The following PRKCG variants were observed in gnomAD, a reference collection of about 807,000 sequenced individuals.
PRKCG encodes the protein protein kinase C gamma type.
A neutral mutation model predicts 82.0 loss-of-function variants in PRKCG; 28 were observed. The observed-to-expected ratio is 0.34, with a 90% CI of 0.25 to 0.47. The LOEUF is 0.47. Ranked by LOEUF, PRKCG falls within the 20% of genes least tolerant of loss-of-function variation. The probability of loss-of-function intolerance (pLI) is 1.00; values close to 1 mark genes in which losing one functional copy is unlikely to be tolerated. For synonymous variants in PRKCG, 383 were observed against 376.6 expected (o/e 1.02, Z -0.20); for missense variants, 640 against 952.7 (o/e 0.67, Z 4.32).
chr19:53,896,235 G>A (rs1286164981), intron 9 of PRKCG, among the ~76,000 whole-genome samples: 2 of 151,810 alleles, frequency 1.3e-5, no homozygotes, highest in African/African-American at 4.8e-5. Flanking sequence ...GGGAGTGTAG[G>A]GTGGTGTGTG....
chr19:53,895,508 A>G (rs1568757055), intron 9 of PRKCG, among the ~76,000 whole-genome samples: 1 of 149,424 alleles, frequency 6.7e-6, no homozygotes, highest in Non-Finnish European at 1.5e-5. Flanking sequence ...AAAAAAAAAA[A>G]GAAGACAAGA....
In PRKCG at chr19:53,882,608, C is replaced by T. The variant is rs1438894123; in HGVS notation, c.114C>T (p.Phe38=). 2 of 1,613,880 alleles carry T rather than the reference C, an allele frequency of 1.2e-6. No homozygotes were observed. Among genetic ancestry groups the T allele is most frequent in the Non-Finnish European group, 1.7e-6 (2 of 1,180,044 alleles). ...TCCACGAAGTCAAGAGCCACAAGTT[C>T]ACCGCTCGCTTCTTCAAGCAGCCCA... The part of the protein sequence containing the change: ...KVVHEVKSHK[F]TARFFKQPTF... The change falls in exon 1 of 18, where the codon TTC becomes TTT. Residue 38 remains phenylalanine (F), a synonymous_variant. Transcript: ENST00000263431. This position sits in a 1 kb window ranked among gnomAD's most constrained non-coding sequence, Gnocchi z 6.1.
intron 5 of PRKCG, 41 bp from the exon 6 acceptor site, chr19:53,891,633 G>T: frequency 6.2e-7 from 1 of 1,610,466 alleles, no homozygotes. Flanking sequence ...GCCCCTTCCT[G>T]GATCTCTAAC....
chr19:53,884,294 A>T lies in PRKCG; in HGVS notation c.285+51A>T. The T allele has an allele frequency of 6.5e-7, 1 of 1,536,112 alleles. No individual in the cohort carries two copies. The highest frequency in any genetic ancestry group is 9.0e-7 in the Non-Finnish European group (1 of 1,113,162). On this transcript the variant is annotated intron_variant, in intron 3 of 17. Transcript: ENST00000263431. The surrounding 1 kb of genome is among the most constrained non-coding windows in gnomAD (Gnocchi z 4.6). Reference sequence around the variant, plus strand: ...CTCCTCGGGCCGTGCCCCCGCCCTCACCCCCTCGGCGTCCGTCCCAATTTC... The same window carrying T: ...CTCCTCGGGCCGTGCCCCCGCCCTCTCCCCCTCGGCGTCCGTCCCAATTTC...
At position 53,886,561 on chromosome 19, in the gene PRKCG, A is replaced by G. The variant is rs181425727; in HGVS notation, c.285+2318A>G. On this transcript the variant is annotated intron_variant, in intron 3 of 17. Coordinates refer to ENST00000263431, the MANE Select transcript of PRKCG (RefSeq NM_002739.5). ...TGGGACTATAGGCACAAGCCACAAC[A>G]CCTAGCTAATTAAAAAAAAATGTTT... Among the ~76,000 whole-genome samples, 104 of 151,740 alleles carry G rather than the reference A, an allele frequency of 6.9e-4. 1 individual carries two copies. Among genetic ancestry groups the G allele is most frequent in the Non-Finnish European group, 1.3e-3 (90 of 67,928 alleles).
Position 53,907,161 on chromosome 19 carries a change from G to A in PRKCG, c.*266G>A. Reference sequence around the variant, plus strand: ...TAGCGTTCTGGACTCTGCCCCAATCGGGTCCAGAGACCACACCACTAACCA... The same window carrying A: ...TAGCGTTCTGGACTCTGCCCCAATCAGGTCCAGAGACCACACCACTAACCA... On this transcript the variant is annotated 3_prime_UTR_variant, in exon 18 of 18. Coordinates refer to ENST00000263431, the MANE Select transcript of PRKCG (RefSeq NM_002739.5). The A allele has an allele frequency of 1.4e-6, 1 of 698,360 alleles. No individual in the cohort carries two copies. The highest frequency in any genetic ancestry group is 2.3e-6 in the Non-Finnish European group (1 of 435,850). The allele number at this position is 698,360 out of a possible 1,614,324, so 43.3% of individuals were successfully genotyped here. A position where few individuals can be genotyped will look rare whatever the true frequency, so the allele number is the denominator to read the frequency against.
Position 53,883,229 on chromosome 19 carries a change from A to G in PRKCG, c.202+35A>G. ...GGGGACCGGGGCTCCTGGGACCCTC[A>G]GGAGGGTGGAGGCTGGGGCCCCACA... On this transcript the variant is annotated intron_variant, in intron 2 of 17. Coordinates refer to ENST00000263431, the MANE Select transcript of PRKCG (RefSeq NM_002739.5). This position sits in a 1 kb window ranked among gnomAD's most constrained non-coding sequence, Gnocchi z 5.4. The G allele has an allele frequency of 6.2e-7, 1 of 1,613,098 alleles. No individual in the cohort carries two copies. Among genetic ancestry groups the G allele is most frequent in the Admixed American group, 1.7e-5 (1 of 59,986 alleles).
In PRKCG at chr19:53,892,749, T is replaced by TGA; in HGVS notation, c.821+107_821+108insAG. On this transcript the variant is annotated intron_variant, in intron 7 of 17. Transcript: ENST00000263431. The surrounding 1 kb of genome is among the most constrained non-coding windows in gnomAD (Gnocchi z 5.9). ...CTGTCCTTCCCTCTGCCTCCCAGCA[T>TGA]GCGCACACACACACACACACACACA... The TGA allele has an allele frequency of 1.8e-6, 2 of 1,081,260 alleles. No individual in the cohort carries two copies. Among genetic ancestry groups the TGA allele is most frequent in the Middle Eastern group, 2.5e-4 (1 of 3,998 alleles). The allele number at this position is 1,081,260 out of a possible 1,614,324, so 67.0% of individuals were successfully genotyped here. A position where few individuals can be genotyped will look rare whatever the true frequency, so the allele number is the denominator to read the frequency against.
At chr19:53,905,941 T>C in intron 16 of PRKCG, among the ~76,000 whole-genome samples, 1 of 139,896 alleles carries the variant, frequency 7.1e-6, no homozygotes, top group Non-Finnish European at 1.5e-5. Flanking sequence ...TCTCACTCAC[T>C]CTCACCCTCT....
intron 5 of PRKCG, among the ~76,000 whole-genome samples, chr19:53,890,621 A>G (rs1337086370): frequency 1.4e-5 from 2 of 142,900 alleles, no homozygotes; most frequent in Non-Finnish European, 3.0e-5. Flanking sequence ...TTGCTCTGTC[A>G]CCCAGGCTGG....
Position 53,897,600 on chromosome 19 carries a change from C to T in PRKCG, c.940-359C>T, listed in dbSNP as rs2068726821. Among the ~76,000 whole-genome samples, 5 of 152,244 alleles carry T rather than the reference C, an allele frequency of 3.3e-5. No homozygotes were observed. The South Asian group carries it at 1.0e-3, about 32-fold the overall frequency. ...GAGCTGGACTGCTTGGGTTTCATTT[C>T]TGGCTCTGTCCTTTACCTGCTGTGT... On this transcript the variant is annotated intron_variant, in intron 9 of 17. Transcript: ENST00000263431.
At chr19:53,904,528 G>A (rs2068787259) in intron 15 of PRKCG, 107 bp from the exon 16 acceptor site, 2 of 875,974 alleles carry the variant, frequency 2.3e-6, no homozygotes, top group Non-Finnish European at 3.7e-6. Context: ...TGCATGTGGG[G>A]CGTGTGATGG....
At chr19:53,902,297 C>G (rs76437222) in intron 14 of PRKCG, among the ~76,000 whole-genome samples, 1 of 152,026 alleles carries the variant, frequency 6.6e-6, no homozygotes, top group East Asian at 1.9e-4. Flanking sequence ...GCCTGTCAAC[C>G]CAGCTACTCA....
At chr19:53,888,116 T>A (rs2068645669) in intron 3 of PRKCG, among the ~76,000 whole-genome samples, 1 of 152,236 alleles carries the variant, frequency 6.6e-6, no homozygotes, top group Non-Finnish European at 1.5e-5. Flanking sequence ...TCAGGCAGCC[T>A]GCTGAGAACC....
At chr19:53,890,320 G>A (rs964874526) in intron 5 of PRKCG, among the ~76,000 whole-genome samples, 1 of 151,912 alleles carries the variant, frequency 6.6e-6, no homozygotes, top group Non-Finnish European at 1.5e-5. Flanking sequence ...GCAATGGCGC[G>A]ATCTCGGCTC....
chr19:53,896,896 G>C (rs1052631360), intron 9 of PRKCG, among the ~76,000 whole-genome samples: 1 of 152,228 alleles, frequency 6.6e-6, no homozygotes, highest in Admixed American at 6.5e-5. Context: ...CCAAGGGGTG[G>C]TAAGAGAGGC....
At chr19:53,906,065 TCC>T (rs1491386150) in intron 16 of PRKCG, among the ~76,000 whole-genome samples, 2 of 65,342 alleles carry the variant, frequency 3.1e-5, no homozygotes, top group Non-Finnish European at 5.0e-5. Context: ...CTCCTCCTCC[TCC>T]TCCTCCTCCT....
At chr19:53,887,627 C>A (rs371871) in intron 3 of PRKCG, among the ~76,000 whole-genome samples, 15,423 of 146,850 alleles carry the variant, frequency 0.11, 1,948 homozygotes, top group African/African-American at 0.3. Context: ...TCAGGAGATC[C>A]AAACCATCCT....
At chr19:53,896,895 G>A (rs546544318) in intron 9 of PRKCG, among the ~76,000 whole-genome samples, 130 of 152,320 alleles carry the variant, frequency 8.5e-4, no homozygotes, top group Non-Finnish European at 1.0e-3. Flanking sequence ...ACCAAGGGGT[G>A]GTAAGAGAGG....
Sources: allele counts gnomAD v4.1 joint callset (sites outside exome capture counted in the v4.1 genomes callset), GRCh38; gene constraint gnomAD v4.1.1; non-coding constraint Gnocchi (gnomAD v3.1); transcripts MANE v1.5; gene names NCBI Gene and HGNC (gene_info 2026-07-23, HGNC 2026-07-21).